Variants in ROBO2 observed in about 807,000 individuals in gnomAD.
The protein encoded by ROBO2 is roundabout guidance receptor 2, also known as roundabout homolog 2.
A neutral mutation model predicts 160.8 loss-of-function variants in ROBO2; 53 were observed. That is an observed-to-expected ratio of 0.33 (90% CI 0.26 to 0.41). The LOEUF (loss-of-function observed/expected upper bound fraction) is 0.41. Among genes scored for constraint, ROBO2 ranks in the 10% least tolerant of loss-of-function variants. ROBO2 has a pLI of 1.00. For synonymous variants in ROBO2, 664 were observed against 611.7 expected (o/e 1.09, Z -1.26); for missense variants, 1,577 against 1,722.4 (o/e 0.92, Z 1.49).
chr3:76,833,647 C>T (rs1489479936), intron 2 of ROBO2, among the ~76,000 whole-genome samples: 1 of 152,114 alleles, frequency 6.6e-6, no homozygotes, highest in Non-Finnish European at 1.5e-5. Context: ...CACAAGTGTG[C>T]CTAAATACTG....
chr3:76,442,458 G>C (rs1289827401), intron 2 of ROBO2, among the ~76,000 whole-genome samples: 1 of 152,080 alleles, frequency 6.6e-6, no homozygotes, highest in Non-Finnish European at 1.5e-5. Flanking sequence ...TATTTTAATG[G>C]AGATGGCTCT....
intron 2 of ROBO2, among the ~76,000 whole-genome samples, chr3:76,352,327 A>T (rs577582742): frequency 6.6e-6 from 1 of 152,102 alleles, no homozygotes; most frequent in Non-Finnish European, 1.5e-5. Context: ...AGTCAGGCAC[A>T]TCCCCTCGTT....
intron 2 of ROBO2, among the ~76,000 whole-genome samples, chr3:76,639,611 A>G (rs2090541757): frequency 6.6e-6 from 1 of 152,130 alleles, no homozygotes. Context: ...ACCTTTAAAA[A>G]GTACACACTT....
chr3:76,772,111 G>A (rs2061940865), intron 2 of ROBO2, among the ~76,000 whole-genome samples: 2 of 151,242 alleles, frequency 1.3e-5, no homozygotes, highest in Admixed American at 6.6e-5. Flanking sequence ...TGAGGGTTTG[G>A]GACAGCAAAA....
chr3:77,464,723 C>A (rs1241137478), intron 2 of ROBO2, among the ~76,000 whole-genome samples: 1 of 151,970 alleles, frequency 6.6e-6, no homozygotes. Context: ...GCATTTCCTC[C>A]TTTGCTACTT....
At chr3:76,205,298 G>A (rs1190443214) in intron 2 of ROBO2, among the ~76,000 whole-genome samples, 2 of 152,104 alleles carry the variant, frequency 1.3e-5, no homozygotes, top group Non-Finnish European at 2.9e-5. Flanking sequence ...TTTCAAATAA[G>A]AGGAGTAGAT....
At chr3:75,966,695 A>G (rs1248916905) in intron 2 of ROBO2, among the ~76,000 whole-genome samples, 2 of 151,654 alleles carry the variant, frequency 1.3e-5, no homozygotes, top group African/African-American at 4.8e-5. Flanking sequence ...TCAAAGCACA[A>G]TAGCTACACA....
At chr3:76,837,695 T>C (rs1198787578) in intron 2 of ROBO2, among the ~76,000 whole-genome samples, 3 of 151,732 alleles carry the variant, frequency 2.0e-5, no homozygotes, top group Admixed American at 6.6e-5. Context: ...AAACAGCAAA[T>C]CCCCCCTACT....
At chr3:76,011,860 T>C (rs2066204003) in intron 2 of ROBO2, among the ~76,000 whole-genome samples, 1 of 152,286 alleles carries the variant, frequency 6.6e-6, no homozygotes, top group South Asian at 2.1e-4. Context: ...TATGTAGACA[T>C]TGTGCTCCTC....
chr3:76,618,717 C>A (rs2088799188), intron 2 of ROBO2, among the ~76,000 whole-genome samples: 1 of 151,638 alleles, frequency 6.6e-6, no homozygotes, highest in South Asian at 2.1e-4. Context: ...ACCTAATACA[C>A]AAATGTACAA....
chr3:76,740,245 A>G (rs1342584756), intron 2 of ROBO2, among the ~76,000 whole-genome samples: 7 of 152,188 alleles, frequency 4.6e-5, no homozygotes, highest in Admixed American at 2.0e-4. Context: ...AAAACCTCGA[A>G]TGGTAACTCA....
At chr3:76,224,568 T>G (rs1031436083) in intron 2 of ROBO2, among the ~76,000 whole-genome samples, 2 of 152,218 alleles carry the variant, frequency 1.3e-5, no homozygotes, top group Admixed American at 1.3e-4. Context: ...TAAGCTATTC[T>G]AAAACTACTG....
chr3:76,837,018 A>T (rs1321681980), intron 2 of ROBO2, among the ~76,000 whole-genome samples: 1 of 121,388 alleles, frequency 8.2e-6, no homozygotes, highest in African/African-American at 2.8e-5. Flanking sequence ...ATTGCATATT[A>T]TATTATATAT....
chr3:77,019,016 G>A (rs192842175), intron 2 of ROBO2, among the ~76,000 whole-genome samples: 12 of 152,276 alleles, frequency 7.9e-5, no homozygotes, highest in East Asian at 3.9e-4. Flanking sequence ...TTGGTGTGGG[G>A]CAACAAGAGC....
chr3:77,557,980 G>T (rs1157320697), exon 9 of ROBO2: 3 of 1,612,970 alleles, frequency 1.9e-6, no homozygotes, highest in East Asian at 2.2e-5. Flanking sequence ...ATTCTACAAG[G>T]CCCAGCCAAC....
intron 2 of ROBO2, among the ~76,000 whole-genome samples, chr3:77,411,738 C>A (rs891630403): frequency 6.6e-6 from 1 of 151,994 alleles, no homozygotes; most frequent in African/African-American, 2.4e-5. Flanking sequence ...TCTGGAAGGA[C>A]GGACATAAAA....
At chr3:76,176,867 A>G (rs1015695671) in intron 2 of ROBO2, among the ~76,000 whole-genome samples, 1 of 152,118 alleles carries the variant, frequency 6.6e-6, no homozygotes, top group Non-Finnish European at 1.5e-5. Flanking sequence ...TTATAGTAGA[A>G]CACTCAAGTG....
intron 2 of ROBO2, among the ~76,000 whole-genome samples, chr3:75,958,419 CAG>C (rs754456875): frequency 7.9e-5 from 12 of 151,722 alleles, no homozygotes; most frequent in Non-Finnish European, 1.3e-4. Flanking sequence ...AGTGGAGAAA[CAG>C]AAAGTCAAGC....
At chr3:77,609,797 T>TATATATATATATATATATAC (rs1382041014) in intron 21 of ROBO2, among the ~76,000 whole-genome samples, 3 of 147,752 alleles carry the variant, frequency 2.0e-5, no homozygotes, top group African/African-American at 7.4e-5. Flanking sequence ...TATACATATA[T>TATATATATATATATATATAC]ATATATATAT....
Sources: allele counts gnomAD v4.1 joint callset (sites outside exome capture counted in the v4.1 genomes callset), GRCh38; gene constraint gnomAD v4.1.1; transcripts MANE v1.5; gene names NCBI Gene and HGNC (gene_info 2026-07-23, HGNC 2026-07-21).